The following RBPJL variants were observed in gnomAD, a reference collection of about 807,000 sequenced individuals.
The protein encoded by RBPJL is recombining binding protein suppressor of hairless-like protein.
Under a neutral mutation model 57.6 loss-of-function variants are expected in RBPJL, and 50 were observed. That is an observed-to-expected ratio of 0.87 (90% confidence interval 0.69 to 1.10). The LOEUF (loss-of-function observed/expected upper bound fraction) is 1.10. Among genes scored for constraint, RBPJL ranks in the 50% least tolerant of loss-of-function variants. The probability of loss-of-function intolerance (pLI) is 0.00; values close to 1 mark genes in which losing one functional copy is unlikely to be tolerated. For missense variants in RBPJL, 684 were observed against 693.7 expected (o/e 0.99, Z 0.16); for synonymous variants, 303 against 294.4 (o/e 1.03, Z -0.30).
At position 45,311,566 on chromosome 20, in the gene RBPJL, C is replaced by A. The variant is rs975483429; in HGVS notation, c.258-23C>A. The A allele has an allele frequency of 2.5e-6, 4 of 1,613,290 alleles. No individual in the cohort carries two copies. In the South Asian group the frequency reaches 4.4e-5, roughly 18 times the overall value. Reference sequence around the variant, plus strand: ...GCCAAGTGGAGATGGATGCACGACTCCAACACTCACTTATCTCCGCAGGTT... The same window carrying A: ...GCCAAGTGGAGATGGATGCACGACTACAACACTCACTTATCTCCGCAGGTT... On this transcript the variant is annotated intron_variant, in intron 3 of 11. Transcript: ENST00000343694.
chr20:45,313,736 C>A, intron 7 of RBPJL, 131 bp downstream of exon 7: 1 of 966,012 alleles, frequency 1.0e-6, no homozygotes, highest in Non-Finnish European at 1.5e-6. Context: ...AAAGACTTGA[C>A]TACAGTCCCA....
intron 5 of RBPJL, 98 bp from the exon 6 acceptor site, chr20:45,312,112 GAGCTTCTGGTC>G (rs373346200): frequency 0.023 from 34,754 of 1,539,912 alleles, 475 homozygotes; most frequent in South Asian, 0.03. Flanking sequence ...CTGGATGGTG[GAGCTTCTGGTC>G]ACCTCCGACG....
At chr20:45,314,193 G>A in intron 8 of RBPJL, 49 bp downstream of exon 8, 1 of 1,511,144 alleles carries the variant, frequency 6.6e-7, no homozygotes, top group Non-Finnish European at 9.2e-7. Context: ...GATCCATGCA[G>A]AGAATGTGGC....
At chr20:45,308,517 G>T (rs1221664448) in intron 2 of RBPJL, 1 of 502,924 alleles carries the variant, frequency 2.0e-6, no homozygotes, top group African/African-American at 1.9e-5. Context: ...GGGGAGACCG[G>T]GGCAGCCACA....
chr20:45,311,598 C>A lies in RBPJL; in HGVS notation c.267C>A (p.Cys89Ter). 6.2e-7 allele frequency: 1 copy of A among 1,614,074 alleles called. No individual in the cohort carries two copies. Among genetic ancestry groups the A allele is most frequent in the Non-Finnish European group, 8.5e-7 (1 of 1,179,978 alleles). ...KSYGNEKRFFCPPPCVYLSGP... is the reference protein window; with the variant it reads ...KSYGNEKRFF The stretch of plus-strand genomic sequence containing the variant: ...TCACTTATCTCCGCAGGTTCTTCTG[C>A]CCCCCGCCCTGTGTCTACCTCTCGG... The change falls in exon 4 of 12, where the codon TGC becomes TGA. Residue 89 changes from cysteine (C) to a stop codon, truncating the protein, a stop_gained. Coordinates refer to ENST00000343694, the MANE Select transcript of RBPJL (RefSeq NM_014276.4). LOFTEE classifies it high-confidence loss of function.
At position 45,316,706 on chromosome 20, in the gene RBPJL, G is replaced by A; in HGVS notation, c.1301G>A (p.Cys434Tyr). 1 of 1,609,354 alleles carries A rather than the reference G, an allele frequency of 6.2e-7. No individual in the cohort carries two copies. Residue 434 changes from cysteine to tyrosine, a missense_variant, in exon 12 of 12, where the codon TGC (cysteine) becomes TAC (tyrosine). Coordinates refer to ENST00000343694, the MANE Select transcript of RBPJL (RefSeq NM_014276.4). Reference protein sequence around the residue: ...TMYRSPRSLVCVVPDVAAFCS... With the variant: ...TMYRSPRSLVYVVPDVAAFCS... ...CCCAGGAGCCCGCGGTCCCTGGTGT[G>A]CGTGGTGCCGGACGTGGCGGCCTTC...
intron 6 of RBPJL, among the ~76,000 whole-genome samples, chr20:45,313,041 T>A (rs950168234): frequency 6.6e-6 from 1 of 151,520 alleles, no homozygotes; most frequent in Non-Finnish European, 1.5e-5. Context: ...CTTTTGTTTG[T>A]TGAACTGAAA....
chr20:45,310,345 A>C (rs1315311742), intron 3 of RBPJL, among the ~76,000 whole-genome samples: 1 of 152,062 alleles, frequency 6.6e-6, no homozygotes, highest in Non-Finnish European at 1.5e-5. Flanking sequence ...GATGGCTCAC[A>C]CCTGTAATCC....
In RBPJL at chr20:45,317,263, T is replaced by A. The variant is rs968717766; in HGVS notation, c.*304T>A. ...CTCTCTCTCCCTTCCCCCTCAGTAC[T>A]TAGTCTACAGACCTATGTGCGTGTC... is the stretch of plus-strand genomic sequence containing the variant. On this transcript the variant is annotated 3_prime_UTR_variant, in exon 12 of 12. Coordinates refer to ENST00000343694, the MANE Select transcript of RBPJL (RefSeq NM_014276.4). 4.1e-6 allele frequency: 2 copies of A among 483,988 alleles called. No individual in the cohort carries two copies. Among genetic ancestry groups the A allele is most frequent in the Admixed American group, 7.7e-5 (2 of 26,130 alleles). 30.0% of individuals were successfully genotyped at this position (483,988 alleles called of 1,614,324 possible).
chr20:45,309,436 G>T, intron 2 of RBPJL, 131 bp from the exon 3 acceptor site: 1 of 938,584 alleles, frequency 1.1e-6, no homozygotes, highest in Non-Finnish European at 1.5e-6. Flanking sequence ...GCAGGATATA[G>T]AGCAGCCCCA....
In RBPJL at chr20:45,316,377, A is replaced by G. The variant is rs1426263216; in HGVS notation, c.1176+35A>G. 2.5e-6 allele frequency: 4 copies of G among 1,608,932 alleles called. No individual in the cohort carries two copies. In the South Asian group the frequency reaches 3.3e-5, roughly 13 times the overall value. ...GGCGCTAGGGGCGTTGGGCAGGGGG[A>G]CCCTGCCTGCACTGGGCAGTGGTGG... On this transcript the variant is annotated intron_variant, in intron 10 of 11. Transcript: ENST00000343694.
Position 45,309,577 on chromosome 20 carries a change from G to C in RBPJL, c.142G>C (p.Glu48Gln), listed in dbSNP as rs746591677. 1 of 1,610,110 alleles carries C rather than the reference G, an allele frequency of 6.2e-7. No homozygotes were observed. Among genetic ancestry groups the C allele is most frequent in the East Asian group, 2.2e-5 (1 of 44,516 alleles). The change falls in exon 3 of 12, where the codon GAG becomes CAG. Residue 48 changes from glutamate (E) to glutamine (Q), a missense_variant. Glu to Gln is a conservative substitution (Grantham distance 29, BLOSUM62 2). Coordinates refer to ENST00000343694, the MANE Select transcript of RBPJL (RefSeq NM_014276.4). Reference protein sequence around the residue: ...LPGTWTRSSPEHTTILRGGVR... With the variant: ...LPGTWTRSSPQHTTILRGGVR... ...CTGCCCTACTCCCAGGTCATCCCCAGAGCACACCACCATTCTGAGGGGAGG... is the reference window on the plus strand; with the variant it reads ...CTGCCCTACTCCCAGGTCATCCCCACAGCACACCACCATTCTGAGGGGAGG...
intron 2 of RBPJL, among the ~76,000 whole-genome samples, chr20:45,308,757 C>T (rs997280157): frequency 6.6e-6 from 1 of 151,898 alleles, no homozygotes; most frequent in African/African-American, 2.4e-5. Context: ...AACCTGCTAA[C>T]CCCCCAAATC....
Position 45,308,252 on chromosome 20 carries a change from GT to G in RBPJL, c.131+2del. 1 of 1,605,694 alleles carries G rather than the reference GT, an allele frequency of 6.2e-7. No individual in the cohort carries two copies. On this transcript the variant is annotated splice_donor_variant, in intron 2 of 11. Transcript: ENST00000343694. LOFTEE classifies it high-confidence loss of function. ...GGAGCCTCCCGGGCACTTGGACCAGGTAACGGCGGCGTGGCAGCGTGCCCTA... is the reference window on the plus strand; with the variant it reads ...GGAGCCTCCCGGGCACTTGGACCAGGAACGGCGGCGTGGCAGCGTGCCCTA...
chr20:45,312,123 C>A, intron 5 of RBPJL, 98 bp from the exon 6 acceptor site: 1 of 1,493,484 alleles, frequency 6.7e-7, no homozygotes, highest in South Asian at 1.2e-5. Context: ...AGCTTCTGGT[C>A]ACCTCCGACG....
Position 45,316,944 on chromosome 20 carries a change from C to T in RBPJL, c.1539C>T (p.Leu513=). ...AGTTCACGCGCACCAACTTCCACCT[C>T]TTCATCCAGACTTAGGCGCGCCCGG... ...HQEFTRTNFH[L]FIQT Residue 513 remains leucine (L), a synonymous_variant, in exon 12 of 12, where the codon CTC becomes CTT. Coordinates refer to ENST00000343694, the MANE Select transcript of RBPJL (RefSeq NM_014276.4). The T allele has an allele frequency of 1.2e-6, 2 of 1,612,382 alleles. No individual in the cohort carries two copies. The highest frequency in any genetic ancestry group is 2.2e-5 in the East Asian group (1 of 44,824).
chr20:45,306,997 G>GGCCCCC, intron 1 of RBPJL, 53 bp downstream of exon 1: 2 of 1,127,932 alleles, frequency 1.8e-6, no homozygotes, highest in Non-Finnish European at 2.3e-6. Flanking sequence ...AACTACGAAG[G>GGCCCCC]ACCACCCCCC....
At chr20:45,313,062 C>A (rs553022359) in intron 6 of RBPJL, among the ~76,000 whole-genome samples, 5 of 151,480 alleles carry the variant, frequency 3.3e-5, no homozygotes, top group African/African-American at 1.2e-4. Context: ...GATGTCCAGA[C>A]AGCAAAGGAA....
chr20:45,310,531 C>CG (rs1987113642), intron 3 of RBPJL, among the ~76,000 whole-genome samples: 1 of 151,708 alleles, frequency 6.6e-6, no homozygotes, highest in South Asian at 2.1e-4. Flanking sequence ...TGGTTGAACC[C>CG]GGGAGGCGGA....
Sources: gnomAD v4.1 joint callset for allele counts (sites outside exome capture counted in the v4.1 genomes callset) on GRCh38, gnomAD v4.1.1 for gene constraint, MANE v1.5 for transcripts, NCBI Gene and HGNC (gene_info 2026-07-23, HGNC 2026-07-21) for gene names.